Variants in CSMD1 observed in about 807,000 individuals in gnomAD.
CSMD1 encodes the protein CUB and sushi domain-containing protein 1.
Under a neutral mutation model 417.5 loss-of-function variants are expected in CSMD1, and 213 were observed. That is an observed-to-expected ratio of 0.51 (90% confidence interval 0.46 to 0.57). The LOEUF (loss-of-function observed/expected upper bound fraction) is 0.57, where lower values mean the gene tolerates loss of function less well. Among genes scored for constraint, CSMD1 ranks in the 20% least tolerant of loss-of-function variants. The probability of loss-of-function intolerance (pLI) is 0.00; values close to 1 mark genes in which losing one functional copy is unlikely to be tolerated. For missense variants in CSMD1, 6,923 were observed against 4,529.7 expected (o/e 1.53, Z -15.17); for synonymous variants, 2,862 against 1,736.8 (o/e 1.65, Z -16.11).
chr8:4,305,566 G>C (rs922315191), intron 3 of CSMD1, among the ~76,000 whole-genome samples: 3 of 152,234 alleles, frequency 2.0e-5, no homozygotes, highest in South Asian at 2.1e-4. Flanking sequence ...GGAATAACAG[G>C]AAAGAATGAA....
Position 3,678,870 on chromosome 8 carries a change from G to T in CSMD1, c.1009+29544C>A, listed in dbSNP as rs920681662. Reference sequence around the variant, plus strand: ...GAAAGTCTACAAGCCAGAAAAGACTGGGGGCCAATATTCAACATTCTTAAA... The same window carrying T: ...GAAAGTCTACAAGCCAGAAAAGACTTGGGGCCAATATTCAACATTCTTAAA... On this transcript the variant is annotated intron_variant, in intron 7 of 69. Transcript: ENST00000635120. 7.2e-5 allele frequency among the ~76,000 whole-genome samples: 11 copies of T among 152,232 alleles called. 1 individual carries two copies. In the East Asian group the frequency reaches 2.1e-3, roughly 29 times the overall value.
At chr8:3,213,996 C>T (rs1277920829) in intron 30 of CSMD1, among the ~76,000 whole-genome samples, 1 of 151,948 alleles carries the variant, frequency 6.6e-6, no homozygotes, top group African/African-American at 2.4e-5. Flanking sequence ...CAGGCACGCA[C>T]CACCACACCC....
intron 5 of CSMD1, among the ~76,000 whole-genome samples, chr8:3,928,510 C>T (rs1012310526): frequency 1.5e-5 from 2 of 135,746 alleles, no homozygotes; most frequent in African/African-American, 5.5e-5. Flanking sequence ...GGGCACTGCC[C>T]AGCTGCATTC....
chr8:4,295,183 TAA>T (rs1797595159), intron 3 of CSMD1, among the ~76,000 whole-genome samples: 1 of 142,010 alleles, frequency 7.0e-6, no homozygotes, highest in Non-Finnish European at 1.5e-5. Context: ...TATATAATCT[TAA>T]GATTATGCAC....
At chr8:2,951,320 C>T (rs1204509213) in intron 65 of CSMD1, 45 bp from the exon 66 acceptor site, 4 of 1,544,948 alleles carry the variant, frequency 2.6e-6, no homozygotes, top group African/African-American at 1.4e-5. Context: ...CACACACAAA[C>T]AATAAATTCA....
chr8:4,710,018 T>C (rs1808189249), intron 1 of CSMD1, among the ~76,000 whole-genome samples: 1 of 152,190 alleles, frequency 6.6e-6, no homozygotes, highest in Non-Finnish European at 1.5e-5. Flanking sequence ...TATCACTTGA[T>C]AGTTCAAATA....
chr8:4,770,395 T>C (rs1256409410), intron 1 of CSMD1, among the ~76,000 whole-genome samples: 1 of 149,414 alleles, frequency 6.7e-6, no homozygotes, highest in Non-Finnish European at 1.5e-5. Flanking sequence ...TAAGCTTTTA[T>C]ATATTATATA....
chr8:4,129,196 C>G (rs1202062324), intron 3 of CSMD1, among the ~76,000 whole-genome samples: 2 of 152,070 alleles, frequency 1.3e-5, no homozygotes, highest in South Asian at 2.1e-4. Context: ...AACATCTACA[C>G]TTAATATGTT....
intron 3 of CSMD1, among the ~76,000 whole-genome samples, chr8:4,113,454 G>A (rs1026962700): frequency 7.0e-6 from 1 of 143,140 alleles, no homozygotes; most frequent in East Asian, 2.1e-4. Flanking sequence ...ACGCAGGCTG[G>A]ACTGCAATGG....
At chr8:4,534,657 T>C (rs578002568) in intron 2 of CSMD1, among the ~76,000 whole-genome samples, 63 of 152,252 alleles carry the variant, frequency 4.1e-4, no homozygotes, top group Non-Finnish European at 7.5e-4. Flanking sequence ...GCTCAGTGTT[T>C]AGTTCCCAGT....
In CSMD1 at chr8:4,657,658, C is replaced by G. The variant is rs528273381; in HGVS notation, c.86-20100G>C. Among the ~76,000 whole-genome samples the G allele has an allele frequency of 2.0e-5, 3 of 150,580 alleles. No homozygotes were observed. The South Asian group carries it at 6.3e-4, about 32-fold the overall frequency. ...TACCAATGTATAATAGTAAACATGG[C>G]CAGTTCTCAAAAAATCATAAAACAT... On this transcript the variant is annotated intron_variant, in intron 1 of 69. Coordinates refer to ENST00000635120, the MANE Select transcript of CSMD1 (RefSeq NM_033225.6).
intron 8 of CSMD1, among the ~76,000 whole-genome samples, chr8:3,604,353 C>A (rs1300708115): frequency 6.6e-6 from 1 of 152,086 alleles, no homozygotes; most frequent in Admixed American, 6.5e-5. Context: ...TAGCACGGAA[C>A]AGGTACCTCA....
chr8:3,568,101 A>AT (rs1799791840), intron 10 of CSMD1, among the ~76,000 whole-genome samples: 2 of 152,174 alleles, frequency 1.3e-5, no homozygotes, highest in Non-Finnish European at 2.9e-5. Flanking sequence ...TATAATTTCC[A>AT]TTATAAATAT....
At chr8:4,146,963 T>A (rs1804174124) in intron 3 of CSMD1, among the ~76,000 whole-genome samples, 1 of 144,224 alleles carries the variant, frequency 6.9e-6, no homozygotes, top group African/African-American at 2.9e-5. Flanking sequence ...ATCAGGCATC[T>A]TCATCAGGTA....
At chr8:3,993,532 A>C (rs935949065) in intron 5 of CSMD1, among the ~76,000 whole-genome samples, 7 of 152,230 alleles carry the variant, frequency 4.6e-5, no homozygotes, top group African/African-American at 1.7e-4. Flanking sequence ...TTGACTTAAT[A>C]GTAAAATTGT....
At chr8:4,030,885 C>G (rs958607511) in intron 4 of CSMD1, among the ~76,000 whole-genome samples, 3 of 152,188 alleles carry the variant, frequency 2.0e-5, no homozygotes, top group South Asian at 2.1e-4. Flanking sequence ...AATCATCTCT[C>G]TCAAGTTCAA....
rs944068549 is a variant in CSMD1 at position 4,373,600 on chromosome 8, G to A, written c.415+46353C>T. ...CATCTTATTTAATTTTCCTATGTGC[G>A]ATGGTGATTCATGAACATAACTGAA... is the stretch of plus-strand genomic sequence containing the variant. On this transcript the variant is annotated intron_variant, in intron 3 of 69. Coordinates refer to ENST00000635120, the MANE Select transcript of CSMD1 (RefSeq NM_033225.6). 1.2e-4 allele frequency among the ~76,000 whole-genome samples: 18 copies of A among 152,096 alleles called. No homozygotes were observed. In the East Asian group the frequency reaches 1.5e-3, roughly 13 times the overall value.
At chr8:4,158,968 T>C (rs1449179654) in intron 3 of CSMD1, among the ~76,000 whole-genome samples, 7 of 152,170 alleles carry the variant, frequency 4.6e-5, no homozygotes, top group African/African-American at 1.4e-4. Flanking sequence ...CAGGTTGGAG[T>C]GCAGTGGCAC....
chr8:3,376,577 T>C (rs1810317669), intron 18 of CSMD1, among the ~76,000 whole-genome samples: 2 of 152,126 alleles, frequency 1.3e-5, no homozygotes, highest in Admixed American at 6.5e-5. Context: ...AATTCTTTTT[T>C]TGTTGTTAAA....
Sources: gnomAD v4.1 joint callset for allele counts (sites outside exome capture counted in the v4.1 genomes callset) on GRCh38, gnomAD v4.1.1 for gene constraint, MANE v1.5 for transcripts, NCBI Gene and HGNC (gene_info 2026-07-23, HGNC 2026-07-21) for gene names.